PIK3C2G: variants seen among roughly 807,000 people sequenced by gnomAD.
PIK3C2G encodes phosphatidylinositol 3-kinase C2 domain-containing subunit gamma.
In PIK3C2G, 168 loss-of-function variants were observed where a neutral mutation model predicts 181.1. The ratio of observed to expected loss-of-function variants is 0.93; its 90% CI spans 0.82 to 1.05. The LOEUF is 1.05. Among genes scored for constraint, PIK3C2G ranks in the 50% least tolerant of loss-of-function variants. PIK3C2G has a pLI of 0.00. For missense variants in PIK3C2G, 1,869 were observed against 1,732.8 expected (o/e 1.08, Z -1.40); for synonymous variants, 573 against 592.2 (o/e 0.97, Z 0.47).
intron 24 of PIK3C2G, among the ~76,000 whole-genome samples, chr12:18,530,110 C>G (rs1448473): frequency 0.092 from 13,943 of 152,190 alleles, 844 homozygotes; most frequent in Non-Finnish European, 0.14. Flanking sequence ...ACCTCTCAAG[C>G]ATAAACCTCA....
At chr12:18,243,837 G>GA (rs1244076682), upstream of PIK3C2G, among the ~76,000 whole-genome samples, 6 of 151,254 alleles carry the variant, frequency 4.0e-5, no homozygotes, top group East Asian at 1.9e-4. Context: ...AAATACAACA[G>GA]AAAAAAAACA....
chr12:18,388,364 T>C (rs1043560219), intron 14 of PIK3C2G, among the ~76,000 whole-genome samples: 1 of 152,100 alleles, frequency 6.6e-6, no homozygotes, highest in Non-Finnish European at 1.5e-5. Context: ...TCCACCTCCA[T>C]GGTTCAAGCG....
chr12:18,724,395 C>T, the PIK3C2G span, among the ~76,000 whole-genome samples: 1 of 152,092 alleles, frequency 6.6e-6, no homozygotes, highest in East Asian at 1.9e-4. Flanking sequence ...ACTATAGTAT[C>T]ACTAACAAAT....
chr12:18,671,624 G>A, the PIK3C2G span, among the ~76,000 whole-genome samples: 3 of 152,200 alleles, frequency 2.0e-5, no homozygotes, highest in African/African-American at 7.2e-5. Context: ...AGGCACATAT[G>A]GCTAGTGGCT....
chr12:18,291,539 T>G (rs75794506), intron 4 of PIK3C2G, among the ~76,000 whole-genome samples: 2,147 of 152,258 alleles, frequency 0.014, 47 homozygotes, highest in African/African-American at 0.049. Context: ...TTTTATCAAA[T>G]TCGCCTGAGG....
chr12:18,358,574 G>T, intron 11 of PIK3C2G: 1 of 407,186 alleles, frequency 2.5e-6, no homozygotes, highest in South Asian at 2.1e-5. Context: ...CAAAAAGACA[G>T]GAAAAGAACT....
intron 29 of PIK3C2G, among the ~76,000 whole-genome samples, chr12:18,577,236 T>G (rs971905476): frequency 1.3e-5 from 2 of 152,182 alleles, no homozygotes; most frequent in Non-Finnish European, 2.9e-5. Context: ...GAAGGTTTTT[T>G]GTAAAGGTGT....
chr12:18,599,797 A>T (rs1947608285), intron 30 of PIK3C2G, among the ~76,000 whole-genome samples: 2 of 152,000 alleles, frequency 1.3e-5, no homozygotes, highest in Non-Finnish European at 2.9e-5. Flanking sequence ...ATTCAATCAG[A>T]GGTCACAATC....
rs994356288 is a variant in PIK3C2G, at chr12:18,609,588, G to T, written c.4141G>T (p.Asp1381Tyr). Reference sequence around the variant, plus strand: ...GGTGCAGTTAGTCATATCCTACGAGGATGTGAAGCTGACCATACTAGTGAA... The same window carrying T: ...GGTGCAGTTAGTCATATCCTACGAGTATGTGAAGCTGACCATACTAGTGAA... The part of the protein sequence containing the change: ...PKVQLVISYE[D>Y]VKLTILVKHM... The change falls in exon 31 of 33, where the codon GAT (aspartate) becomes TAT (tyrosine). Residue 1381 changes from aspartate to tyrosine, a missense_variant. Physicochemically the swap from Asp to Tyr is radical, Grantham distance 160. Coordinates refer to ENST00000538779, the MANE Select transcript of PIK3C2G (RefSeq NM_001288772.2). 3.8e-6 allele frequency: 6 copies of T among 1,587,750 alleles called. No individual in the cohort carries two copies. Among genetic ancestry groups the T allele is most frequent in the Admixed American group, 1.8e-5 (1 of 56,924 alleles).
intron 11 of PIK3C2G, among the ~76,000 whole-genome samples, chr12:18,360,877 A>T (rs893034652): frequency 2.0e-5 from 3 of 152,148 alleles, no homozygotes; most frequent in African/African-American, 7.2e-5. Context: ...GTTGGCATCC[A>T]GTGGGTTTCC....
At chr12:18,558,800 A>T (rs1392132777) in intron 26 of PIK3C2G, among the ~76,000 whole-genome samples, 1 of 152,120 alleles carries the variant, frequency 6.6e-6, no homozygotes, top group South Asian at 2.1e-4. Context: ...ATCTACCCCC[A>T]TACTTCCTCT....
chr12:18,604,136 G>A (rs1360605387), intron 30 of PIK3C2G, among the ~76,000 whole-genome samples: 1 of 152,144 alleles, frequency 6.6e-6, no homozygotes, highest in East Asian at 1.9e-4. Context: ...ACCATCTGCT[G>A]CCTTCAGGAG....
intron 18 of PIK3C2G, among the ~76,000 whole-genome samples, chr12:18,484,733 A>G (rs746219135): frequency 1.3e-5 from 2 of 152,208 alleles, no homozygotes; most frequent in African/African-American, 4.8e-5. Flanking sequence ...TAAATCTCTT[A>G]GCCACTTAGA....
chr12:18,638,391 T>C (rs1173506322), intron 31 of PIK3C2G, among the ~76,000 whole-genome samples: 1 of 152,112 alleles, frequency 6.6e-6, no homozygotes, highest in Non-Finnish European at 1.5e-5. Context: ...CTCATCAGAA[T>C]TTAGGAGCTC....
chr12:18,324,110 C>T (rs1337844591), intron 7 of PIK3C2G, among the ~76,000 whole-genome samples: 1 of 152,066 alleles, frequency 6.6e-6, no homozygotes, highest in African/African-American at 2.4e-5. Context: ...GTCCCAGCTA[C>T]TCCGGATGCT....
chr12:18,561,877 C>T (rs1321928077), intron 26 of PIK3C2G, among the ~76,000 whole-genome samples: 1 of 151,372 alleles, frequency 6.6e-6, no homozygotes, highest in East Asian at 1.9e-4. Flanking sequence ...AAGTATGCTA[C>T]CTTTTTTAAA....
At chr12:18,379,185 T>C (rs1197656497) in intron 13 of PIK3C2G, among the ~76,000 whole-genome samples, 3 of 151,460 alleles carry the variant, frequency 2.0e-5, no homozygotes, top group Non-Finnish European at 4.4e-5. Flanking sequence ...TATGCAGCCA[T>C]AAAAAAGGAT....
At chr12:18,624,645 A>T (rs1450244485) in intron 31 of PIK3C2G, among the ~76,000 whole-genome samples, 1 of 151,588 alleles carries the variant, frequency 6.6e-6, no homozygotes, top group Non-Finnish European at 1.5e-5. Flanking sequence ...TTGATAGAAT[A>T]CAGCAGTGAA....
chr12:18,278,981 G>C (rs11044000), intron 1 of PIK3C2G, among the ~76,000 whole-genome samples: 9,096 of 151,684 alleles, frequency 0.06, 403 homozygotes, highest in Non-Finnish European at 0.093. Context: ...TTTCAGACAG[G>C]CTTCTAACCC....
Sources: gnomAD v4.1 joint callset for allele counts (sites outside exome capture counted in the v4.1 genomes callset) on GRCh38, gnomAD v4.1.1 for gene constraint, MANE v1.5 for transcripts, NCBI Gene and HGNC (gene_info 2026-07-23, HGNC 2026-07-21) for gene names.